NT5C: variants seen among roughly 807,000 people sequenced by gnomAD.
The protein encoded by NT5C is 5', 3'-nucleotidase, cytosolic, also known as 5'(3')-deoxyribonucleotidase, cytosolic type.
NT5C carries 14 observed loss-of-function variants against 17.6 expected under a neutral mutation model. That is an observed-to-expected ratio of 0.79 (90% confidence interval 0.52 to 1.24). NT5C has a LOEUF of 1.24. Ranked by LOEUF, NT5C falls within the 50% of genes most tolerant of loss-of-function variation. The pLI is 0.00. For synonymous variants in NT5C, 153 were observed against 119.2 expected, an observed-to-expected ratio of 1.28 and a Z score of -1.85; for missense variants, 328 against 278.3, an observed-to-expected ratio of 1.18 and a Z score of -1.27.
Position 75,130,419 on chromosome 17 carries a change from T to G in NT5C, c.*69A>C. 1 of 1,578,148 alleles carries G rather than the reference T, an allele frequency of 6.3e-7. No individual in the cohort carries two copies. The highest frequency in any genetic ancestry group is 1.1e-5 in the South Asian group (1 of 87,862). On this transcript the variant is annotated 3_prime_UTR_variant, in exon 5 of 5. Transcript: ENST00000245552. Reference sequence around the variant, plus strand: ...GGCACCAGCACGATGCCGCCCCGACTCGGCTCTGCGGTGGCCCCTGTGGGC... The same window carrying G: ...GGCACCAGCACGATGCCGCCCCGACGCGGCTCTGCGGTGGCCCCTGTGGGC...
chr17:75,131,221 C>G lies in NT5C; in HGVS notation c.235G>C (p.Gly79Arg). ...ATCTCCCGCACAGCGTCCAAGGCTCCCGGGATGGGCTCCAGGTCCAGGAAA... is the reference window on the plus strand; with the variant it reads ...ATCTCCCGCACAGCGTCCAAGGCTCGCGGGATGGGCTCCAGGTCCAGGAAA... ...GFFLDLEPIP[G>R]ALDAVREMND... Residue 79 changes from glycine (G) to arginine (R), a missense_variant, in exon 2 of 5, where the codon GGA (glycine) becomes CGA (arginine). Physicochemically the swap from Gly to Arg is moderately radical, Grantham distance 125 (BLOSUM62 -2). Transcript: ENST00000245552. 1 of 1,614,020 alleles carries G rather than the reference C, an allele frequency of 6.2e-7. No individual in the cohort carries two copies. The highest frequency in any genetic ancestry group is 1.7e-5 in the Admixed American group (1 of 60,034).
chr17:75,130,802 C>T lies in NT5C; in HGVS notation c.402G>A (p.Lys134=). Residue 134 remains lysine (K), a synonymous_variant, in exon 4 of 5, where the codon AAG becomes AAA. Coordinates refer to ENST00000245552, the MANE Select transcript of NT5C (RefSeq NM_014595.3). ...FVERIILTRD[K]TVVLGDLLID... is the part of the protein sequence containing the mutation. Reference sequence around the variant, plus strand: ...TGAGCAGGTCCCCCAAGACCACCGTCTTGTCCCTTGTCAGGATAATTCGTT... The same window carrying T: ...TGAGCAGGTCCCCCAAGACCACCGTTTTGTCCCTTGTCAGGATAATTCGTT... 6.2e-7 allele frequency: 1 copy of T among 1,614,206 alleles called. No individual in the cohort carries two copies. Among genetic ancestry groups the T allele is most frequent in the Middle Eastern group, 1.6e-4 (1 of 6,062 alleles).
In NT5C at chr17:75,131,627, G is replaced by T; in HGVS notation, c.81C>A (p.Arg27=). ...CGTGCGGCTCCTCAGGGAAGCGGCG[G>T]CGGAAGCCCCGCAGGAGGCCGGCCT... The part of the protein sequence containing the change: ...DFEAGLLRGF[R]RRFPEEPHVP... Residue 27 remains arginine, a synonymous_variant, in exon 1 of 5, where the codon CGC becomes CGA. Transcript: ENST00000245552. 1 of 1,377,232 alleles carries T rather than the reference G, an allele frequency of 7.3e-7. No homozygotes were observed. The highest frequency in any genetic ancestry group is 9.3e-7 in the Non-Finnish European group (1 of 1,070,428). The allele number at this position is 1,377,232 out of a possible 1,614,324, so 85.3% of individuals were successfully genotyped here.
Position 75,131,583 on chromosome 17 carries a change from C to T in NT5C, c.125G>A (p.Arg42His). 2.2e-6 allele frequency: 3 copies of T among 1,392,952 alleles called. No homozygotes were observed. The highest frequency in any genetic ancestry group is 3.2e-5 in the South Asian group (2 of 62,756). 86.3% of individuals were successfully genotyped at this position (1,392,952 alleles called of 1,614,324 possible). A position where few individuals can be genotyped will look rare whatever the true frequency, so the allele number is the denominator to read the frequency against. Residue 42 changes from arginine (R) to histidine (H), a missense_variant, in exon 1 of 5, where the codon CGC (arginine) becomes CAC (histidine). Arg to His is a conservative substitution (Grantham distance 29). Transcript: ENST00000245552. ...GTACTGCTCGCGGGCCAGGAAGCCG[C>T]GGCGTTGCTCCAGCGGCACGTGCGG... ...EEPHVPLEQRRGFLAREQYRA... is the reference protein window; with the variant it reads ...EEPHVPLEQRHGFLAREQYRA...
Position 75,131,638 on chromosome 17 carries a change from G to A in NT5C, c.70C>T (p.Arg24Trp), listed in dbSNP as rs751868164. ...VLADFEAGLL[R>W]GFRRRFPEEP... ...TCAGGGAAGCGGCGGCGGAAGCCCC[G>A]CAGGAGGCCGGCCTCGAAGTCGGCC... Residue 24 changes from arginine to tryptophan, a missense_variant, in exon 1 of 5, where the codon CGG (arginine) becomes TGG (tryptophan). Transcript: ENST00000245552. 24 of 1,367,102 alleles carry A rather than the reference G, an allele frequency of 1.8e-5. No homozygotes were observed. The highest frequency in any genetic ancestry group is 2.7e-4 in the Middle Eastern group (1 of 3,726). The allele number at this position is 1,367,102 out of a possible 1,614,324, so 84.7% of individuals were successfully genotyped here.
Position 75,130,505 on chromosome 17 carries a change from CTCCG to C in NT5C, c.585_588del (p.Gly196LeufsTer?). 5.0e-6 allele frequency: 8 copies of C among 1,614,100 alleles called. No homozygotes were observed. The highest frequency in any genetic ancestry group is 1.3e-5 in the African/African-American group (1 of 75,078). On this transcript the variant is annotated frameshift_variant, in exon 5 of 5. Transcript: ENST00000245552. LOFTEE classifies it high-confidence loss of function. The stretch of plus-strand genomic sequence containing the variant: ...ATCCCCGCTCATTCCCGCTGCGCAG[CTCCG>C]CGCTTGCTATCTAAGATCTCCCTCC...
chr17:75,131,368 AG>A, intron 1 of NT5C, 87 bp from the exon 2 acceptor site: 3 of 1,455,772 alleles, frequency 2.1e-6, no homozygotes, highest in Admixed American at 2.2e-5. Flanking sequence ...CCGAGCTCAG[AG>A]GGGCGGAGGG....
rs773324134 is a variant in NT5C, at chr17:75,130,562, T to G, written c.532A>C (p.Arg178=). The G allele has an allele frequency of 6.2e-7, 1 of 1,614,220 alleles. No individual in the cohort carries two copies. Among genetic ancestry groups the G allele is most frequent in the Non-Finnish European group, 8.5e-7 (1 of 1,180,046 alleles). The change falls in exon 5 of 5, where the codon AGA becomes CGA. Residue 178 remains arginine (R), a synonymous_variant. Transcript: ENST00000245552. ...NRHLVLPPTR[R]RLLSWSDNWR... is the part of the protein sequence containing the mutation. ...TTGTCACTCCAGGAGAGCAGCCGTCTCCTTGTCGGGGGCAGGACCAGGTGC... is the reference window on the plus strand; with the variant it reads ...TTGTCACTCCAGGAGAGCAGCCGTCGCCTTGTCGGGGGCAGGACCAGGTGC...
In NT5C at chr17:75,130,559, G is replaced by C; in HGVS notation, c.535C>G (p.Arg179Gly). Residue 179 changes from arginine (R) to glycine (G), a missense_variant, in exon 5 of 5, where the codon CGG becomes GGG. Arg to Gly is a moderately radical substitution (Grantham distance 125). Coordinates refer to ENST00000245552, the MANE Select transcript of NT5C (RefSeq NM_014595.3). ...CAGTTGTCACTCCAGGAGAGCAGCC[G>C]TCTCCTTGTCGGGGGCAGGACCAGG... ...RHLVLPPTRR[R>G]LLSWSDNWRE... 6.2e-7 allele frequency: 1 copy of C among 1,614,188 alleles called. No homozygotes were observed. The highest frequency in any genetic ancestry group is 8.5e-7 in the Non-Finnish European group (1 of 1,180,020).
At position 75,131,293 on chromosome 17, in the gene NT5C, G is replaced by C. The variant is rs764291559; in HGVS notation, c.175-12C>G. ...CTGGCCACTTTATCCTGAAAGACAA[G>C]AGTTCTGGGTCCCGGCTTCCCGTTC... On this transcript the variant is annotated splice_polypyrimidine_tract_variant and intron_variant, in intron 1 of 4. Transcript: ENST00000245552. 2 of 1,612,844 alleles carry C rather than the reference G, an allele frequency of 1.2e-6. No homozygotes were observed. The highest frequency in any genetic ancestry group is 2.2e-5 in the South Asian group (2 of 91,020).
chr17:75,130,440 T>TG lies in NT5C; in HGVS notation c.*47dup. 1 of 1,606,226 alleles carries TG rather than the reference T, an allele frequency of 6.2e-7. No homozygotes were observed. Among genetic ancestry groups the TG allele is most frequent in the Non-Finnish European group, 8.5e-7 (1 of 1,176,500 alleles). ...CGACTCGGCTCTGCGGTGGCCCCTG[T>TG]GGGCCTGCCCTTCCTTTAGCTCCAG... On this transcript the variant is annotated 3_prime_UTR_variant, in exon 5 of 5. Transcript: ENST00000245552.
chr17:75,130,876 A>G lies in NT5C; in HGVS notation c.337-9T>C. On this transcript the variant is annotated splice_polypyrimidine_tract_variant and intron_variant, in intron 3 of 4. Transcript: ENST00000245552. Reference sequence around the variant, plus strand: ...TGCTCCACCCAGCGGTACTGTGTAGAAAACACAGTCTGTGAGTAGGGCCTG... The same window carrying G: ...TGCTCCACCCAGCGGTACTGTGTAGGAAACACAGTCTGTGAGTAGGGCCTG... 6.2e-7 allele frequency: 1 copy of G among 1,613,582 alleles called. No homozygotes were observed. Among genetic ancestry groups the G allele is most frequent in the East Asian group, 2.2e-5 (1 of 44,888 alleles).
In NT5C at chr17:75,131,656, A is replaced by G; in HGVS notation, c.52T>C (p.Phe18Leu). 7.4e-7 allele frequency: 1 copy of G among 1,350,936 alleles called. No homozygotes were observed. The allele number at this position is 1,350,936 out of a possible 1,614,324, so 83.7% of individuals were successfully genotyped here. ...LVDMDGVLAD[F>L]EAGLLRGFRR... ...AAGCCCCGCAGGAGGCCGGCCTCGA[A>G]GTCGGCCAGGACGCCGTCCATGTCC... The change falls in exon 1 of 5, where the codon TTC becomes CTC. Residue 18 changes from phenylalanine to leucine, a missense_variant. By Grantham distance (22) the Phe-to-Leu change is conservative. Coordinates refer to ENST00000245552, the MANE Select transcript of NT5C (RefSeq NM_014595.3).
Position 75,131,295 on chromosome 17 carries a change from GT to G in NT5C, c.175-15del, listed in dbSNP as rs755796411. On this transcript the variant is annotated splice_polypyrimidine_tract_variant and intron_variant, in intron 1 of 4. Coordinates refer to ENST00000245552, the MANE Select transcript of NT5C (RefSeq NM_014595.3). ...GGCCACTTTATCCTGAAAGACAAGA[GT>G]TCTGGGTCCCGGCTTCCCGTTCCCG... 6.2e-7 allele frequency: 1 copy of G among 1,612,318 alleles called. No homozygotes were observed. The highest frequency in any genetic ancestry group is 1.3e-5 in the African/African-American group (1 of 75,028).
chr17:75,131,476 G>A (rs942325239), intron 1 of NT5C, 58 bp downstream of exon 1: 13 of 1,431,956 alleles, frequency 9.1e-6, no homozygotes, highest in Middle Eastern at 2.6e-4. Flanking sequence ...AGAGAAGGGG[G>A]AGACCCCCGG....
chr17:75,130,679 T>A, intron 4 of NT5C, 37 bp from the exon 5 acceptor site: 1 of 1,613,976 alleles, frequency 6.2e-7, no homozygotes, highest in Non-Finnish European at 8.5e-7. Context: ...CCATCTGTCA[T>A]GGGTATTATT....
At position 75,131,604 on chromosome 17, in the gene NT5C, T is replaced by A; in HGVS notation, c.104A>T (p.His35Leu). The A allele has an allele frequency of 7.2e-7, 1 of 1,396,496 alleles. No homozygotes were observed. Among genetic ancestry groups the A allele is most frequent in the Non-Finnish European group, 9.2e-7 (1 of 1,081,710 alleles). 86.5% of individuals were successfully genotyped at this position (1,396,496 alleles called of 1,614,324 possible). The change falls in exon 1 of 5, where the codon CAC becomes CTC. Residue 35 changes from histidine (H) to leucine (L), a missense_variant. His to Leu is a moderately conservative substitution (Grantham distance 99). Coordinates refer to ENST00000245552, the MANE Select transcript of NT5C (RefSeq NM_014595.3). ...GCCGCGGCGTTGCTCCAGCGGCACG[T>A]GCGGCTCCTCAGGGAAGCGGCGGCG... ...GFRRRFPEEP[H>L]VPLEQRRGFL...
chr17:75,130,511 G>T lies in NT5C; in HGVS notation c.583C>A (p.Arg195Ser), dbSNP rs2074098973. Residue 195 changes from arginine (R) to serine (S), a missense_variant, in exon 5 of 5, where the codon CGC becomes AGC. By Grantham distance (110) the Arg-to-Ser change is moderately radical. Transcript: ENST00000245552. The part of the protein sequence containing the change: ...DNWREILDSK[R>S]GAAQRE ...GCTCATTCCCGCTGCGCAGCTCCGC[G>T]CTTGCTATCTAAGATCTCCCTCCAG... 1 of 1,613,992 alleles carries T rather than the reference G, an allele frequency of 6.2e-7. No individual in the cohort carries two copies. Among genetic ancestry groups the T allele is most frequent in the Non-Finnish European group, 8.5e-7 (1 of 1,180,010 alleles).
In NT5C at chr17:75,131,543, G is replaced by C; in HGVS notation, c.165C>G (p.Pro55=). 1.4e-6 allele frequency: 2 copies of C among 1,411,954 alleles called. No individual in the cohort carries two copies. The highest frequency in any genetic ancestry group is 1.5e-5 in the South Asian group (1 of 64,862). The allele number at this position is 1,411,954 out of a possible 1,614,324, so 87.5% of individuals were successfully genotyped here. A position where few individuals can be genotyped will look rare whatever the true frequency, so the allele number is the denominator to read the frequency against. Residue 55 remains proline, a synonymous_variant, in exon 1 of 5, where the codon CCC becomes CCG. Coordinates refer to ENST00000245552, the MANE Select transcript of NT5C (RefSeq NM_014595.3). ...LAREQYRALR[P]DLADKVASVY... ...ACCCTGCGCCCCCTACCGCCAGGTC[G>C]GGCCGCAGGGCGCGGTACTGCTCGC...
Sources: allele counts gnomAD v4.1 joint callset, GRCh38; gene constraint gnomAD v4.1.1; transcripts MANE v1.5; gene names NCBI Gene and HGNC (gene_info 2026-07-23, HGNC 2026-07-21).